CDH13: variants seen among roughly 807,000 people sequenced by gnomAD.
The protein encoded by CDH13 is cadherin-13.
A neutral mutation model predicts 63.8 loss-of-function variants in CDH13; 24 were observed. The ratio of observed to expected loss-of-function variants is 0.38; its 90% CI spans 0.27 to 0.53. The LOEUF (loss-of-function observed/expected upper bound fraction) is 0.53, where lower values mean the gene tolerates loss of function less well. Ranked by LOEUF, CDH13 falls within the 20% of genes least tolerant of loss-of-function variation. CDH13 has a pLI of 0.85. For missense variants in CDH13, 1,049 were observed against 903.1 expected (o/e 1.16, Z -2.07); for synonymous variants, 503 against 355.3 (o/e 1.42, Z -4.67).
At chr16:82,770,956 C>T (rs545765889) in intron 1 of CDH13, among the ~76,000 whole-genome samples, 13 of 152,274 alleles carry the variant, frequency 8.5e-5, no homozygotes, top group Admixed American at 7.8e-4. Context: ...CTCAGGCAAT[C>T]CCCCCGCTTC....
At chr16:82,883,034 G>T (rs941789107) in intron 2 of CDH13, among the ~76,000 whole-genome samples, 2 of 152,046 alleles carry the variant, frequency 1.3e-5, no homozygotes, top group African/African-American at 2.4e-5. Flanking sequence ...CAATTATCTG[G>T]GTTTTATTAT....
chr16:82,706,547 G>A (rs2031504918), intron 1 of CDH13, among the ~76,000 whole-genome samples: 1 of 151,942 alleles, frequency 6.6e-6, no homozygotes, highest in Non-Finnish European at 1.5e-5. Flanking sequence ...GTTCAGAAAT[G>A]CAGAGGTCAG....
rs375664631 is a variant in CDH13, at chr16:83,344,978, C to A, written c.753C>A (p.Ile251=). ...CGATCTTTCGGGAAGGCCCCTACAT[C>A]GGCCACGTCATGGAAGGGTCACCCA... The part of the protein sequence containing the change: ...NRPIFREGPY[I]GHVMEGSPTG... Residue 251 remains isoleucine (I), a synonymous_variant, in exon 6 of 14, where the codon ATC becomes ATA. Coordinates refer to ENST00000567109, the MANE Select transcript of CDH13 (RefSeq NM_001257.5). The A allele has an allele frequency of 1.1e-5, 18 of 1,613,962 alleles. No homozygotes were observed. The highest frequency in any genetic ancestry group is 1.5e-5 in the Non-Finnish European group (18 of 1,179,844).
chr16:82,795,103 C>G (rs1425413248), intron 1 of CDH13, among the ~76,000 whole-genome samples: 2 of 152,196 alleles, frequency 1.3e-5, no homozygotes, highest in African/African-American at 2.4e-5. Context: ...CTCACACATT[C>G]CTTCACCAGA....
chr16:82,967,616 G>A, intron 2 of CDH13, among the ~76,000 whole-genome samples: 1 of 152,202 alleles, frequency 6.6e-6, no homozygotes, highest in South Asian at 2.1e-4. Context: ...GCTCCTACTG[G>A]AGTGATGGCA....
At chr16:82,740,636 C>T (rs59882642) in intron 1 of CDH13, among the ~76,000 whole-genome samples, 1,598 of 152,294 alleles carry the variant, frequency 0.01, 28 homozygotes, top group African/African-American at 0.037. Flanking sequence ...GCTCCATGGA[C>T]GTCTCATTCT....
intron 6 of CDH13, among the ~76,000 whole-genome samples, chr16:83,478,922 C>G (rs748799029): frequency 6.6e-6 from 1 of 151,780 alleles, no homozygotes; most frequent in Admixed American, 6.6e-5. Context: ...GAAAATAAAG[C>G]CAGTCCAAAT....
chr16:83,434,064 A>C (rs1467402672), intron 6 of CDH13, among the ~76,000 whole-genome samples: 1 of 152,162 alleles, frequency 6.6e-6, no homozygotes, highest in Non-Finnish European at 1.5e-5. Context: ...GTGCAGTACA[A>C]GGCTCATTAC....
chr16:83,436,907 A>G (rs2072321907), intron 6 of CDH13, among the ~76,000 whole-genome samples: 1 of 152,228 alleles, frequency 6.6e-6, no homozygotes, highest in South Asian at 2.1e-4. Context: ...AGTTACCTGT[A>G]AAACTCCATC....
intron 5 of CDH13, among the ~76,000 whole-genome samples, chr16:83,240,274 T>C (rs959596252): frequency 2.6e-5 from 4 of 151,898 alleles, no homozygotes; most frequent in African/African-American, 9.7e-5. Context: ...AACGTAGGCC[T>C]GGGAGGGGGT....
At chr16:82,829,910 A>G (rs1417019095) in intron 1 of CDH13, among the ~76,000 whole-genome samples, 1 of 152,242 alleles carries the variant, frequency 6.6e-6, no homozygotes, top group African/African-American at 2.4e-5. Context: ...TTTGAGGACC[A>G]TATCAGATGG....
chr16:83,685,008 C>T (rs1457653507), intron 10 of CDH13, among the ~76,000 whole-genome samples: 1 of 152,206 alleles, frequency 6.6e-6, no homozygotes, highest in Non-Finnish European at 1.5e-5. Context: ...CTGGCACCCT[C>T]TTCCTCATGG....
At chr16:83,144,515 G>T (rs2036664447) in intron 4 of CDH13, among the ~76,000 whole-genome samples, 1 of 152,186 alleles carries the variant, frequency 6.6e-6, no homozygotes. Flanking sequence ...ACGAGACAAG[G>T]TGTGTTAACA....
chr16:83,309,020 C>G (rs2089941619), intron 5 of CDH13, among the ~76,000 whole-genome samples: 1 of 152,158 alleles, frequency 6.6e-6, no homozygotes, highest in Non-Finnish European at 1.5e-5. Flanking sequence ...TAAATCATTC[C>G]CTTGTCACCT....
intron 2 of CDH13, chr16:82,884,435 T>C (rs2040813249): frequency 3.2e-6 from 1 of 309,320 alleles, no homozygotes; most frequent in Non-Finnish European, 6.4e-6. Flanking sequence ...AGCAAGATGC[T>C]TAGTTAACAG....
rs1214318736 is a variant in CDH13 at position 83,271,511 on chromosome 16, A to T, written c.636+54014A>T. The stretch of plus-strand genomic sequence containing the variant: ...AATGGGCTTTTATTTAAAAAAAAAC[A>T]AAACAAAACAACAACAACAAAAAAA... On this transcript the variant is annotated intron_variant, in intron 5 of 13. Transcript: ENST00000567109. Among the ~76,000 whole-genome samples, 3 of 121,132 alleles carry T rather than the reference A, an allele frequency of 2.5e-5. No homozygotes were observed. The East Asian group carries it at 8.4e-4, about 34-fold the overall frequency. 79.5% of individuals were successfully genotyped at this position (121,132 alleles called of 152,430 possible).
chr16:82,647,108 G>A (rs946991129), intron 1 of CDH13, among the ~76,000 whole-genome samples: 2 of 152,312 alleles, frequency 1.3e-5, no homozygotes, highest in East Asian at 3.9e-4. Flanking sequence ...CCACTGTAGG[G>A]CTGTGTGACC....
intron 11 of CDH13, among the ~76,000 whole-genome samples, chr16:83,753,543 C>T (rs1422168096): frequency 2.0e-5 from 3 of 151,548 alleles, no homozygotes; most frequent in African/African-American, 7.3e-5. Context: ...GAGACCCCGT[C>T]TCAAAAAAAA....
intron 7 of CDH13, among the ~76,000 whole-genome samples, chr16:83,548,430 A>G (rs1000747337): frequency 6.6e-6 from 1 of 152,158 alleles, no homozygotes; most frequent in African/African-American, 2.4e-5. Context: ...CCCTCCCCCA[A>G]CAGCAAAGCT....
Sources: gnomAD v4.1 joint callset for allele counts (sites outside exome capture counted in the v4.1 genomes callset) on GRCh38, gnomAD v4.1.1 for gene constraint, MANE v1.5 for transcripts, NCBI Gene and HGNC (gene_info 2026-07-23, HGNC 2026-07-21) for gene names.